RAB44: variants seen among roughly 807,000 people sequenced by gnomAD.
RAB44 encodes ras-related protein Rab-44.
A neutral mutation model predicts 93.3 loss-of-function variants in RAB44; 67 were observed. The ratio of observed to expected loss-of-function variants is 0.72; its 90% CI spans 0.59 to 0.88. The LOEUF (loss-of-function observed/expected upper bound fraction) is 0.88, where lower values mean the gene tolerates loss of function less well. RAB44 is among the 40% of genes least tolerant of loss of function. The pLI is 0.00. For synonymous variants in RAB44, 427 were observed against 520.3 expected (o/e 0.82, Z 2.44); for missense variants, 1,064 against 1,261.7 (o/e 0.84, Z 2.37).
intron 2 of RAB44, among the ~76,000 whole-genome samples, chr6:36,707,637 G>A (rs948621902): frequency 2.0e-5 from 3 of 152,206 alleles, no homozygotes; most frequent in African/African-American, 7.2e-5. Context: ...GACATCCAGT[G>A]TCAGCTTGGA....
In RAB44 at chr6:36,717,994, T is replaced by C; in HGVS notation, c.642-34T>C. On this transcript the variant is annotated intron_variant, in intron 5 of 13. Coordinates refer to ENST00000612677, the MANE Select transcript of RAB44 (RefSeq NM_001257357.2). This position sits in a 1 kb window ranked among gnomAD's most constrained non-coding sequence, Gnocchi z 4.1. ...AGCAGCAGGCTCCCAGAGGTGCTGA[T>C]GGGCTGCCTGGCCCCAACTCCTGCT... is the stretch of plus-strand genomic sequence containing the variant. 2 of 1,219,690 alleles carry C rather than the reference T, an allele frequency of 1.6e-6. No individual in the cohort carries two copies. The highest frequency in any genetic ancestry group is 2.0e-6 in the Non-Finnish European group (2 of 976,624). 75.6% of individuals were successfully genotyped at this position (1,219,690 alleles called of 1,614,324 possible). A position where few individuals can be genotyped will look rare whatever the true frequency, so the allele number is the denominator to read the frequency against.
At chr6:36,720,604 A>G in intron 8 of RAB44, 54 bp downstream of exon 8, 1 of 1,198,580 alleles carries the variant, frequency 8.3e-7, no homozygotes, top group Non-Finnish European at 1.0e-6. Flanking sequence ...TCCTGGAACC[A>G]GTGGGGAACT....
At position 36,706,779 on chromosome 6, in the gene RAB44, T is replaced by C. The variant is rs533918809; in HGVS notation, c.207+2337T>C. ...TCTTGCTCTTTCACCTAGGCTGGAG[T>C]GCAGTGGTGCGATCTTGGCTCATTG... On this transcript the variant is annotated intron_variant, in intron 2 of 13. Coordinates refer to ENST00000612677, the MANE Select transcript of RAB44 (RefSeq NM_001257357.2). Among the ~76,000 whole-genome samples the C allele has an allele frequency of 5.9e-5, 9 of 151,562 alleles. No homozygotes were observed. In the South Asian group the frequency reaches 1.9e-3, roughly 32 times the overall value.
At chr6:36,726,955 C>T (rs1763252192) in intron 10 of RAB44, among the ~76,000 whole-genome samples, 1 of 151,420 alleles carries the variant, frequency 6.6e-6, no homozygotes, top group Admixed American at 6.6e-5. Context: ...CACATACAAC[C>T]ACATCCAGCT....
chr6:36,724,525 T>TA (rs1763184493), intron 9 of RAB44, among the ~76,000 whole-genome samples: 1 of 152,212 alleles, frequency 6.6e-6, no homozygotes, highest in South Asian at 2.1e-4. Context: ...GCATCTTCCA[T>TA]ACATGTCTTA....
At chr6:36,715,118 T>TATA (rs1562058557) in intron 3 of RAB44, among the ~76,000 whole-genome samples, 1 of 151,626 alleles carries the variant, frequency 6.6e-6, no homozygotes, top group African/African-American at 2.4e-5. Flanking sequence ...TATATATATA[T>TATA]TCTTTTCAAC....
chr6:36,728,099 G>T (rs564611440), intron 11 of RAB44, among the ~76,000 whole-genome samples: 7 of 152,296 alleles, frequency 4.6e-5, no homozygotes, highest in African/African-American at 1.7e-4. Flanking sequence ...CAGCAGAGGG[G>T]TGTGAAGTTA....
At chr6:36,710,815 G>A (rs1481677707) in intron 2 of RAB44, among the ~76,000 whole-genome samples, 2 of 152,058 alleles carry the variant, frequency 1.3e-5, no homozygotes, top group Non-Finnish European at 2.9e-5. Context: ...GTAGAGACAG[G>A]GTTTCACCAT....
intron 7 of RAB44, 111 bp downstream of exon 7, chr6:36,718,699 T>G (rs1762990520): frequency 4.1e-6 from 2 of 484,648 alleles, no homozygotes; most frequent in African/African-American, 4.0e-5. Context: ...TAGAAGGTAC[T>G]GTGATGATTA....
intron 9 of RAB44, among the ~76,000 whole-genome samples, chr6:36,725,121 G>A (rs1763203637): frequency 6.6e-6 from 1 of 152,166 alleles, no homozygotes; most frequent in African/African-American, 2.4e-5. Context: ...CACACCAGAA[G>A]TTTTATCCTC....
chr6:36,704,620 G>A (rs930525682), intron 2 of RAB44, among the ~76,000 whole-genome samples, 178 bp downstream of exon 2: 1 of 152,212 alleles, frequency 6.6e-6, no homozygotes, highest in Non-Finnish European at 1.5e-5. Flanking sequence ...AAGGCTTTAT[G>A]TGTTGCCCTT....
intron 9 of RAB44, among the ~76,000 whole-genome samples, chr6:36,723,001 C>G (rs141618341): frequency 1.3e-5 from 2 of 152,244 alleles, no homozygotes; most frequent in African/African-American, 4.8e-5. Flanking sequence ...TAGGTGCCTG[C>G]GAGAGTTGAT....
Position 36,722,381 on chromosome 6 carries a change from G to A in RAB44, c.2247G>A (p.Gly749=), listed in dbSNP as rs1763113172. The A allele has an allele frequency of 1.5e-6, 2 of 1,367,072 alleles. No homozygotes were observed. The highest frequency in any genetic ancestry group is 1.9e-6 in the Non-Finnish European group (2 of 1,061,858). The allele number at this position is 1,367,072 out of a possible 1,614,324, so 84.7% of individuals were successfully genotyped here. ...SAPPRGSPPR[G]AQPGAGAGPQ... ...CTCCAAGGGGCTCTCCTCCCAGGGGGGCTCAGCCTGGGGCTGGAGCAGGAC... is the reference window on the plus strand; with the variant it reads ...CTCCAAGGGGCTCTCCTCCCAGGGGAGCTCAGCCTGGGGCTGGAGCAGGAC... Residue 749 remains glycine (G), a synonymous_variant, in exon 9 of 14, where the codon GGG becomes GGA. Coordinates refer to ENST00000612677, the MANE Select transcript of RAB44 (RefSeq NM_001257357.2).
intron 3 of RAB44, among the ~76,000 whole-genome samples, chr6:36,714,865 C>T (rs569030402): frequency 1.5e-4 from 23 of 152,240 alleles, no homozygotes; most frequent in Non-Finnish European, 2.8e-4. Context: ...CAGTGCCATT[C>T]ACCTCGTCCA....
At position 36,730,679 on chromosome 6, in the gene RAB44, G is replaced by C. The variant is rs1223768292; in HGVS notation, c.2905G>C (p.Gly969Arg). 1 of 1,234,204 alleles carries C rather than the reference G, an allele frequency of 8.1e-7. No individual in the cohort carries two copies. The highest frequency in any genetic ancestry group is 1.0e-6 in the Non-Finnish European group (1 of 988,174). The allele number at this position is 1,234,204 out of a possible 1,614,324, so 76.5% of individuals were successfully genotyped here. Residue 969 changes from glycine (G) to arginine (R), a missense_variant, in exon 13 of 14, where the codon GGG becomes CGG. Physicochemically the swap from Gly to Arg is moderately radical, Grantham distance 125. Coordinates refer to ENST00000612677, the MANE Select transcript of RAB44 (RefSeq NM_001257357.2). ...CTCCCTGTCTGGCCTGCAGGAACTG[G>C]GGGTCTATTTTGGGGAGTGCAGTGC... ...EAGQQLAQEL[G>R]VYFGECSAAL... is the part of the protein sequence containing the mutation.
At position 36,728,806 on chromosome 6, in the gene RAB44, G is replaced by A. The variant is rs763590816; in HGVS notation, c.2898+5G>A. 4 of 1,548,290 alleles carry A rather than the reference G, an allele frequency of 2.6e-6. No individual in the cohort carries two copies. In the East Asian group the frequency reaches 7.3e-5, roughly 28 times the overall value. ...GCTGGGCAGCAACTGGCCCAGGTAA[G>A]CACTTGGGCATCAGCCCGTCTCTGT... On this transcript the variant is annotated splice_donor_5th_base_variant and intron_variant, in intron 12 of 13. Transcript: ENST00000612677.
chr6:36,721,552 G>A lies in RAB44; in HGVS notation c.1418G>A (p.Gly473Glu). Residue 473 changes from glycine (G) to glutamate (E), a missense_variant, in exon 9 of 14, where the codon GGG becomes GAG. Transcript: ENST00000612677. Reference sequence around the variant, plus strand: ...GACCCGGACCCCAACCAGGAGCCAGGGTCCACACCCGAGGGCCGCCTCCTC... The same window carrying A: ...GACCCGGACCCCAACCAGGAGCCAGAGTCCACACCCGAGGGCCGCCTCCTC... Reference protein sequence around the residue: ...PHDPDPNQEPGSTPEGRLLWG... With the variant: ...PHDPDPNQEPESTPEGRLLWG... The A allele has an allele frequency of 1.6e-6, 2 of 1,234,444 alleles. No homozygotes were observed. The highest frequency in any genetic ancestry group is 1.0e-6 in the Non-Finnish European group (1 of 988,274). 76.5% of individuals were successfully genotyped at this position (1,234,444 alleles called of 1,614,324 possible).
At chr6:36,705,837 A>T (rs1762636808) in intron 2 of RAB44, among the ~76,000 whole-genome samples, 1 of 152,022 alleles carries the variant, frequency 6.6e-6, no homozygotes. Context: ...GTATTGAGAC[A>T]TTTTAGCTTC....
At chr6:36,726,921 C>T (rs1763251325) in intron 10 of RAB44, among the ~76,000 whole-genome samples, 1 of 150,436 alleles carries the variant, frequency 6.6e-6, no homozygotes, top group African/African-American at 2.4e-5. Flanking sequence ...GTGCCTCAGC[C>T]TCCTGAGGAG....
Sources: gnomAD v4.1 joint callset for allele counts (sites outside exome capture counted in the v4.1 genomes callset) on GRCh38, gnomAD v4.1.1 for gene constraint, Gnocchi (gnomAD v3.1) non-coding constraint, MANE v1.5 for transcripts, NCBI Gene and HGNC (gene_info 2026-07-23, HGNC 2026-07-21) for gene names.